ALMS1: variants seen among roughly 807,000 people sequenced by gnomAD.
The protein encoded by ALMS1 is ALMS1 centrosome and basal body associated protein, also known as centrosome-associated protein ALMS1.
ALMS1 carries 271 observed loss-of-function variants against 352.2 expected under a neutral mutation model. The ratio of observed to expected loss-of-function variants is 0.77; its 90% CI spans 0.70 to 0.85. The LOEUF (loss-of-function observed/expected upper bound fraction) is 0.85, where lower values mean the gene tolerates loss of function less well. Among genes scored for constraint, ALMS1 ranks in the 40% least tolerant of loss-of-function variants. The pLI, the probability that ALMS1 is intolerant of heterozygous loss-of-function variation, is 0.00. For missense variants in ALMS1, 5,445 were observed against 4,870.7 expected (o/e 1.12, Z -3.51); for synonymous variants, 1,865 against 1,761.2 (o/e 1.06, Z -1.48).
At position 73,424,809 on chromosome 2, in the gene ALMS1, A is replaced by G. The variant is rs28730849; in HGVS notation, c.1144A>G (p.Thr382Ala). Residue 382 changes from threonine (T) to alanine (A), a missense_variant, in exon 5 of 23, where the codon ACT becomes GCT. Coordinates refer to ENST00000613296, the MANE Select transcript of ALMS1 (RefSeq NM_001378454.1). ...TGACATAACTGATGAAAACATAGCTACTAAAAGAAGTGACCATTTTGATGC... is the reference window on the plus strand; with the variant it reads ...TGACATAACTGATGAAAACATAGCTGCTAAAAGAAGTGACCATTTTGATGC... ...SFDITDENIA[T>A]KRSDHFDAAR... The G allele has an allele frequency of 2.7e-3, 4,415 of 1,610,916 alleles. 100 individuals carry two copies. In the African/African-American group the frequency reaches 0.049, roughly 18 times the overall value.
chr2:73,599,619 T>C, intron 17 of ALMS1, 98 bp downstream of exon 17: 1 of 1,408,094 alleles, frequency 7.1e-7, no homozygotes, highest in South Asian at 1.2e-5. Context: ...GACATGAAGA[T>C]AAAACTATAT....
intron 12 of ALMS1, among the ~76,000 whole-genome samples, chr2:73,543,209 C>A (rs1674229952): frequency 6.6e-6 from 1 of 152,098 alleles, no homozygotes; most frequent in South Asian, 2.1e-4. Flanking sequence ...AGAAATAATG[C>A]CGCATATCTA....
chr2:73,452,262 A>G lies in ALMS1; in HGVS notation c.5735A>G (p.Asp1912Gly). Residue 1912 changes from aspartate to glycine, a missense_variant, in exon 8 of 23, where the codon GAT becomes GGT. By Grantham distance (94) the Asp-to-Gly change is moderately conservative (BLOSUM62 -1). Transcript: ENST00000613296. ...ASIFHQQELP[D>G]VTEEALNVFV... ...ATTTTTCATCAGCAGGAGTTGCCAG[A>G]TGTTACTGAAGAAGCTTTAAATGTT... is the stretch of plus-strand genomic sequence containing the variant. 1.2e-6 allele frequency: 2 copies of G among 1,614,102 alleles called. No individual in the cohort carries two copies. The highest frequency in any genetic ancestry group is 1.7e-6 in the Non-Finnish European group (2 of 1,179,996).
At chr2:73,543,841 C>T (rs1011287870) in intron 12 of ALMS1, among the ~76,000 whole-genome samples, 2 of 152,088 alleles carry the variant, frequency 1.3e-5, no homozygotes, top group Non-Finnish European at 2.9e-5. Flanking sequence ...GTTAGAATGG[C>T]GATCATTAAA....
chr2:73,583,341 G>C (rs544469732), intron 16 of ALMS1, among the ~76,000 whole-genome samples: 2 of 151,736 alleles, frequency 1.3e-5, no homozygotes, highest in Non-Finnish European at 2.9e-5. Flanking sequence ...CCATCTTTTA[G>C]TTAGGTATTT....
At chr2:73,422,441 G>A (rs953061680) in intron 3 of ALMS1, among the ~76,000 whole-genome samples, 6 of 152,136 alleles carry the variant, frequency 3.9e-5, no homozygotes, top group Admixed American at 6.5e-5. Context: ...CATAACGGGT[G>A]TAGTCTATAT....
At chr2:73,514,995 T>A (rs764699908) in intron 10 of ALMS1, among the ~76,000 whole-genome samples, 1 of 152,200 alleles carries the variant, frequency 6.6e-6, no homozygotes, top group Non-Finnish European at 1.5e-5. Flanking sequence ...CTACCTGTTT[T>A]GGAAAATTCT....
At chr2:73,398,019 C>T (rs1329507851) in intron 1 of ALMS1, among the ~76,000 whole-genome samples, 1 of 152,174 alleles carries the variant, frequency 6.6e-6, no homozygotes, top group African/African-American at 2.4e-5. Context: ...AGATTATATG[C>T]CTTTAGTATT....
At chr2:73,385,822 C>G (rs1213968640), upstream of ALMS1, 1 of 682,680 alleles carries the variant, frequency 1.5e-6, no homozygotes. Context: ...CTTCCCCTCC[C>G]TCCCCCCCTC....
rs182442810 is a variant in ALMS1, at chr2:73,543,899, A to G, written c.9908-6368A>G. On this transcript the variant is annotated intron_variant, in intron 12 of 22. Transcript: ENST00000613296. ...GGAGAGGAGGTGGAGAAATAAGAAC[A>G]CTTTTACACTGTTGGTGGGACTGTA... Among the ~76,000 whole-genome samples, 17 of 152,286 alleles carry G rather than the reference A, an allele frequency of 1.1e-4. No homozygotes were observed. In the East Asian group the frequency reaches 3.1e-3, roughly 28 times the overall value.
chr2:73,439,101 T>TCTC (rs1167688251), intron 7 of ALMS1, among the ~76,000 whole-genome samples: 1 of 148,622 alleles, frequency 6.7e-6, no homozygotes, highest in Admixed American at 6.8e-5. Flanking sequence ...TCTTTCTTTT[T>TCTC]CTCCTCCTCC....
rs1405570346 is a variant in ALMS1 at position 73,449,530 on chromosome 2, T to C, written c.3003T>C (p.Gly1001=). 1 of 1,614,050 alleles carries C rather than the reference T, an allele frequency of 6.2e-7. No homozygotes were observed. The highest frequency in any genetic ancestry group is 8.5e-7 in the Non-Finnish European group (1 of 1,179,968). The change falls in exon 8 of 23, where the codon GGT becomes GGC. Residue 1001 remains glycine (G), a synonymous_variant. Coordinates refer to ENST00000613296, the MANE Select transcript of ALMS1 (RefSeq NM_001378454.1). ...KTVPTPTVPS[G]SFSHREKPSI... ...TCCCAACACCAACAGTACCTTCAGG[T>C]TCCTTCTCACATAGAGAGAAGCCCA...
In ALMS1 at chr2:73,554,467, G is replaced by A. The variant is rs111963194; in HGVS notation, c.10079-2753G>A. On this transcript the variant is annotated intron_variant, in intron 13 of 22. Transcript: ENST00000613296. ...ATACCTGAAATCCCAGCAGTTTGGGGGGCCAAGGCGGGTGGATCACGAGGT... is the reference window on the plus strand; with the variant it reads ...ATACCTGAAATCCCAGCAGTTTGGGAGGCCAAGGCGGGTGGATCACGAGGT... Among the ~76,000 whole-genome samples, 1,218 of 151,934 alleles carry A rather than the reference G, an allele frequency of 8.0e-3. 14 individuals carry two copies. The highest frequency in any genetic ancestry group is 0.028 in the African/African-American group (1,164 of 41,442).
At position 73,452,449 on chromosome 2, in the gene ALMS1, AG is replaced by A. The variant is rs398122994; in HGVS notation, c.5923del (p.Glu1975SerfsTer8). 1.2e-6 allele frequency: 2 copies of A among 1,613,978 alleles called. No homozygotes were observed. The highest frequency in any genetic ancestry group is 1.7e-6 in the Non-Finnish European group (2 of 1,179,956). On this transcript the variant is annotated frameshift_variant, in exon 8 of 23. Transcript: ENST00000613296. LOFTEE classifies it high-confidence loss of function. Reference protein sequence around the residue: ...LKVSPVSIPAEQKTGIPIGLS... With the variant: ...LKVSPVSIPAXQKTGIPIGLS... ...AAGTTTCACCTGTTTCTATACCAGCAGAGCAGAAGACTGGGATACCAATAGG... is the reference window on the plus strand; with the variant it reads ...AAGTTTCACCTGTTTCTATACCAGCAAGCAGAAGACTGGGATACCAATAGG...
chr2:73,553,061 C>G (rs554784224), intron 13 of ALMS1, among the ~76,000 whole-genome samples: 46 of 152,024 alleles, frequency 3.0e-4, no homozygotes, highest in Non-Finnish European at 6.5e-4. Flanking sequence ...CTAAAAGGGA[C>G]TACCATGTAC....
rs150920199 is a variant in ALMS1, at chr2:73,541,116, T to C, written c.9907+6167T>C. Among the ~76,000 whole-genome samples, 4 of 152,180 alleles carry C rather than the reference T, an allele frequency of 2.6e-5. 1 individual carries two copies. The highest frequency in any genetic ancestry group is 2.6e-4 in the Admixed American group (4 of 15,280). ...ACCTATTCCAAAAGTGACCACATAG[T>C]TGGAAGTAAAGCACTCCTCAGCAAA... On this transcript the variant is annotated intron_variant, in intron 12 of 22. Coordinates refer to ENST00000613296, the MANE Select transcript of ALMS1 (RefSeq NM_001378454.1).
rs200626717 is a variant in ALMS1 at position 73,451,901 on chromosome 2, G to A, written c.5374G>A (p.Ala1792Thr). The A allele has an allele frequency of 4.2e-5, 67 of 1,614,088 alleles. No individual in the cohort carries two copies. In the African/African-American group the frequency reaches 8.4e-4, roughly 20 times the overall value. ...GAAAGTTTCAAATGTTCCTGGACCA[G>A]CTGACCAGAAGACTGGGGTATCAAC... Reference protein sequence around the residue: ...ALKVSNVPGPADQKTGVSTVT... With the variant: ...ALKVSNVPGPTDQKTGVSTVT... The change falls in exon 8 of 23, where the codon GCT (alanine) becomes ACT (threonine). Residue 1792 changes from alanine to threonine, a missense_variant. Ala to Thr is a moderately conservative substitution (Grantham distance 58). Transcript: ENST00000613296.
chr2:73,597,688 C>A (rs1675579656), intron 16 of ALMS1, among the ~76,000 whole-genome samples: 1 of 151,950 alleles, frequency 6.6e-6, no homozygotes, highest in South Asian at 2.1e-4. Context: ...GATGGGGAAA[C>A]TGACACAAAG....
At position 73,490,668 on chromosome 2, in the gene ALMS1, C is replaced by A; in HGVS notation, c.8709C>A (p.His2903Gln). The stretch of plus-strand genomic sequence containing the variant: ...GTGCAGATGACCATGTGAGGAAACA[C>A]CATTCTCCCTCTCCTCAACATCAGG... Reference protein sequence around the residue: ...APRADDHVRKHHSPSPQHQDY... With the variant: ...APRADDHVRKQHSPSPQHQDY... Residue 2903 changes from histidine (H) to glutamine (Q), a missense_variant, in exon 10 of 23, where the codon CAC (histidine) becomes CAA (glutamine). Transcript: ENST00000613296. 1 of 1,614,136 alleles carries A rather than the reference C, an allele frequency of 6.2e-7. No individual in the cohort carries two copies. The highest frequency in any genetic ancestry group is 8.5e-7 in the Non-Finnish European group (1 of 1,180,016).
Sources: gnomAD v4.1 joint callset for allele counts (sites outside exome capture counted in the v4.1 genomes callset) on GRCh38, gnomAD v4.1.1 for gene constraint, MANE v1.5 for transcripts, NCBI Gene and HGNC (gene_info 2026-07-23, HGNC 2026-07-21) for gene names.